LAMA2: variants seen among roughly 807,000 people sequenced by gnomAD.
LAMA2 encodes the protein laminin subunit alpha-2.
In LAMA2, 269 loss-of-function variants were observed where a neutral mutation model predicts 364.8. The observed-to-expected ratio is 0.74, with a 90% CI of 0.67 to 0.82. The LOEUF is 0.82. Ranked by LOEUF, LAMA2 falls within the 40% of genes least tolerant of loss-of-function variation. The pLI, the probability that LAMA2 is intolerant of heterozygous loss-of-function variation, is 0.00. For missense variants in LAMA2, 3,807 were observed against 3,873.2 expected, an observed-to-expected ratio of 0.98 and a Z score of 0.45; for synonymous variants, 1,379 against 1,370.6, an observed-to-expected ratio of 1.01 and a Z score of -0.14.
intron 1 of LAMA2, among the ~76,000 whole-genome samples, chr6:128,911,535 T>C (rs1777953708): frequency 6.6e-6 from 1 of 152,152 alleles, no homozygotes; most frequent in South Asian, 2.1e-4. Flanking sequence ...GCGCCCACTG[T>C]CTGGCATTCC....
chr6:129,497,040 T>C (rs958581851), intron 58 of LAMA2, among the ~76,000 whole-genome samples: 21 of 152,336 alleles, frequency 1.4e-4, no homozygotes, highest in African/African-American at 4.8e-4. Context: ...TTAATTATTC[T>C]AGTTAGTTTA....
chr6:129,214,341 C>A (rs1447874713), intron 12 of LAMA2, among the ~76,000 whole-genome samples: 1 of 152,130 alleles, frequency 6.6e-6, no homozygotes, highest in African/African-American at 2.4e-5. Flanking sequence ...CTAATCCAGT[C>A]CTACAAGAGC....
intron 3 of LAMA2, among the ~76,000 whole-genome samples, chr6:129,075,662 G>C (rs1004903217): frequency 6.6e-6 from 1 of 152,188 alleles, no homozygotes; most frequent in Non-Finnish European, 1.5e-5. Flanking sequence ...CAAATGTGGA[G>C]AGTGGGGCCA....
intron 28 of LAMA2, among the ~76,000 whole-genome samples, chr6:129,325,908 C>T (rs1007028095): frequency 5.9e-5 from 9 of 152,130 alleles, no homozygotes; most frequent in Non-Finnish European, 1.0e-4. Flanking sequence ...GGCCAGATCT[C>T]AGCTTACTGC....
In LAMA2 at chr6:129,402,179, A is replaced by G. The variant is rs1780013110; in HGVS notation, c.5563-145A>G. 3 of 621,908 alleles carry G rather than the reference A, an allele frequency of 4.8e-6. No homozygotes were observed. In the South Asian group the frequency reaches 5.8e-5, roughly 12 times the overall value. The allele number at this position is 621,908 out of a possible 1,614,324, so 38.5% of individuals were successfully genotyped here. A position where few individuals can be genotyped will look rare whatever the true frequency, so the allele number is the denominator to read the frequency against. ...AGCTGAGATCGCACCACTGCATTCC[A>G]GCCTGGGTGACAGAGCAAGACTCTG... On this transcript the variant is annotated intron_variant, in intron 38 of 64. Coordinates refer to ENST00000421865, the MANE Select transcript of LAMA2 (RefSeq NM_000426.4).
At chr6:129,208,461 G>A (rs1417352759) in intron 12 of LAMA2, among the ~76,000 whole-genome samples, 1 of 146,846 alleles carries the variant, frequency 6.8e-6, no homozygotes, top group Non-Finnish European at 1.5e-5. Context: ...CACATAAACA[G>A]ACAGAAAGAG....
intron 4 of LAMA2, among the ~76,000 whole-genome samples, chr6:129,111,280 T>C (rs1193449460): frequency 6.6e-6 from 1 of 152,040 alleles, no homozygotes; most frequent in Non-Finnish European, 1.5e-5. Flanking sequence ...AAAATGTTGC[T>C]CAATTCTGCT....
At position 128,903,131 on chromosome 6, in the gene LAMA2, A is replaced by G. The variant is rs545401282; in HGVS notation, c.112+19774A>G. On this transcript the variant is annotated intron_variant, in intron 1 of 64. Transcript: ENST00000421865. ...TGAAATACTGATGTTAACATCTAGT[A>G]TGTTTATTTGAGGGATATAGGAGGC... Among the ~76,000 whole-genome samples, 104 of 152,166 alleles carry G rather than the reference A, an allele frequency of 6.8e-4. 1 individual carries two copies. The highest frequency in any genetic ancestry group is 2.5e-3 in the African/African-American group (102 of 41,528).
intron 1 of LAMA2, among the ~76,000 whole-genome samples, chr6:128,974,741 A>C (rs1046332504): frequency 1.3e-5 from 2 of 152,136 alleles, no homozygotes; most frequent in Non-Finnish European, 2.9e-5. Context: ...TTATTCCTTC[A>C]TACAGTATAT....
chr6:129,443,043 C>G lies in LAMA2; in HGVS notation c.6269-20C>G, dbSNP rs374191157. On this transcript the variant is annotated intron_variant, in intron 43 of 64. Coordinates refer to ENST00000421865, the MANE Select transcript of LAMA2 (RefSeq NM_000426.4). Reference sequence around the variant, plus strand: ...TTTATAATTTTTTTTTGTTTTGCTTCCATGTGAAATTGCCTGCAGAAATCA... The same window carrying G: ...TTTATAATTTTTTTTTGTTTTGCTTGCATGTGAAATTGCCTGCAGAAATCA... The G allele has an allele frequency of 6.3e-7, 1 of 1,575,880 alleles. No individual in the cohort carries two copies. The highest frequency in any genetic ancestry group is 8.7e-7 in the Non-Finnish European group (1 of 1,151,536).
chr6:129,140,287 G>T (rs1778049064), intron 4 of LAMA2, among the ~76,000 whole-genome samples: 1 of 152,024 alleles, frequency 6.6e-6, no homozygotes, highest in African/African-American at 2.4e-5. Flanking sequence ...GATTATTTGG[G>T]TGAACAGAGT....
chr6:129,195,019 AC>A (rs1267296896), intron 12 of LAMA2, among the ~76,000 whole-genome samples: 1 of 152,224 alleles, frequency 6.6e-6, no homozygotes, highest in Admixed American at 6.5e-5. Context: ...GTATCAAGAT[AC>A]AAGTGCATCT....
intron 4 of LAMA2, among the ~76,000 whole-genome samples, chr6:129,124,065 T>G (rs773101123): frequency 3.3e-5 from 5 of 152,036 alleles, no homozygotes; most frequent in Non-Finnish European, 7.4e-5. Flanking sequence ...CCTCAACATG[T>G]TTTTTTTAAA....
chr6:129,220,043 T>C (rs1173949269), intron 12 of LAMA2, among the ~76,000 whole-genome samples: 2 of 152,116 alleles, frequency 1.3e-5, no homozygotes, highest in Non-Finnish European at 2.9e-5. Flanking sequence ...ACTGGGCTGC[T>C]CCCTGGTGGA....
rs551573859 is a variant in LAMA2, at chr6:129,212,438, G to GT, written c.1782+19593dup. On this transcript the variant is annotated intron_variant, in intron 12 of 64. Transcript: ENST00000421865. ...AGTCTCTTTTCCTCTTAAACCGGATGTTTTTTTTAAAATCAGTTTTATATG... is the reference window on the plus strand; with the variant it reads ...AGTCTCTTTTCCTCTTAAACCGGATGTTTTTTTTTAAAATCAGTTTTATATG... Among the ~76,000 whole-genome samples, 125 of 151,920 alleles carry GT rather than the reference G, an allele frequency of 8.2e-4. 1 individual carries two copies. The highest frequency in any genetic ancestry group is 1.4e-3 in the Admixed American group (21 of 15,244).
At chr6:129,061,667 G>C (rs115332955) in intron 3 of LAMA2, among the ~76,000 whole-genome samples, 1,855 of 152,194 alleles carry the variant, frequency 0.012, 38 homozygotes, top group African/African-American at 0.043. Context: ...TTGTCGTTCT[G>C]TTTTCTCTTC....
intron 4 of LAMA2, among the ~76,000 whole-genome samples, chr6:129,104,102 G>T (rs1204984607): frequency 2.6e-5 from 4 of 151,822 alleles, no homozygotes; most frequent in African/African-American, 9.7e-5. Context: ...ATAGCTCACT[G>T]CAGGCTCAAA....
intron 36 of LAMA2, 39 bp from the exon 37 acceptor site, chr6:129,393,006 T>C (rs774925181): frequency 1.9e-5 from 28 of 1,511,728 alleles, no homozygotes; most frequent in Non-Finnish European, 2.5e-5. Flanking sequence ...GGCAGTGACA[T>C]GAGCTCATTG....
intron 2 of LAMA2, among the ~76,000 whole-genome samples, chr6:129,052,917 G>A (rs1788185860): frequency 6.6e-6 from 1 of 151,718 alleles, no homozygotes; most frequent in Non-Finnish European, 1.5e-5. Context: ...TAGGAATGCA[G>A]AAAACATTAC....
Sources: gnomAD v4.1 joint callset for allele counts (sites outside exome capture counted in the v4.1 genomes callset) on GRCh38, gnomAD v4.1.1 for gene constraint, MANE v1.5 for transcripts, NCBI Gene and HGNC (gene_info 2026-07-23, HGNC 2026-07-21) for gene names.